Variants in SYT16 observed in about 807,000 individuals in gnomAD.
SYT16 encodes the protein synaptotagmin-16.
A neutral mutation model predicts 61.4 loss-of-function variants in SYT16; 42 were observed. The ratio of observed to expected loss-of-function variants is 0.68; its 90% CI spans 0.53 to 0.89. The LOEUF is 0.89. SYT16 is among the 40% of genes least tolerant of loss of function. SYT16 has a pLI of 0.00. For missense variants in SYT16, 804 were observed against 807.3 expected (o/e 1.00, Z 0.05); for synonymous variants, 314 against 302.3 (o/e 1.04, Z -0.40).
At chr14:61,988,116 A>G (rs1182043847) in intron 2 of SYT16, among the ~76,000 whole-genome samples, 2 of 152,184 alleles carry the variant, frequency 1.3e-5, no homozygotes, top group Admixed American at 1.3e-4. Context: ...ACTGGGGGCC[A>G]GTAGATGTGC....
intron 3 of SYT16, among the ~76,000 whole-genome samples, chr14:62,030,369 C>A (rs569988469): frequency 3.3e-5 from 5 of 152,276 alleles, no homozygotes; most frequent in African/African-American, 1.2e-4. Flanking sequence ...ATTGAAAATG[C>A]AACCATTGTG....
upstream of SYT16, chr14:61,812,628 G>GGGCGCGGGGC (rs1223022265): frequency 8.0e-4 from 117 of 147,114 alleles, no homozygotes; most frequent in South Asian, 1.8e-3. Flanking sequence ...GGCGGCTGCT[G>GGGCGCGGGGC]GGCGCGGGGC....
At chr14:62,010,241 C>T (rs927030540) in intron 3 of SYT16, among the ~76,000 whole-genome samples, 3 of 152,108 alleles carry the variant, frequency 2.0e-5, no homozygotes, top group Admixed American at 6.6e-5. Context: ...GTGATATTCA[C>T]CAGCCAAACA....
intron 2 of SYT16, among the ~76,000 whole-genome samples, chr14:61,992,527 C>T (rs555382308): frequency 3.9e-5 from 6 of 152,130 alleles, no homozygotes; most frequent in Non-Finnish European, 7.4e-5. Flanking sequence ...TCCTTTTGTA[C>T]CTCTAGACCT....
chr14:61,851,564 C>T (rs2046621851), intron 1 of SYT16, among the ~76,000 whole-genome samples: 1 of 152,180 alleles, frequency 6.6e-6, no homozygotes, highest in African/African-American at 2.4e-5. Context: ...ACAACCTTGC[C>T]AGCACCTGTT....
chr14:61,887,476 C>G (rs1266526117), intron 1 of SYT16, among the ~76,000 whole-genome samples: 1 of 152,206 alleles, frequency 6.6e-6, no homozygotes, highest in Non-Finnish European at 1.5e-5. Context: ...GTTGATTTCT[C>G]CTCTCTAGCC....
At chr14:62,005,036 C>G (rs2053166606) in intron 3 of SYT16, among the ~76,000 whole-genome samples, 1 of 152,166 alleles carries the variant, frequency 6.6e-6, no homozygotes, top group Non-Finnish European at 1.5e-5. Context: ...ATACTCACCT[C>G]TGGCATCAGG....
chr14:61,844,255 G>C (rs2046377350), intron 1 of SYT16, among the ~76,000 whole-genome samples: 1 of 152,008 alleles, frequency 6.6e-6, no homozygotes, highest in Non-Finnish European at 1.5e-5. Flanking sequence ...CAACTTTATA[G>C]AATTTATCAG....
intron 1 of SYT16, among the ~76,000 whole-genome samples, chr14:61,848,970 T>C (rs1363121692): frequency 6.6e-6 from 1 of 152,162 alleles, no homozygotes; most frequent in Non-Finnish European, 1.5e-5. Context: ...ACAGCACATA[T>C]TACCTGGTTG....
intron 1 of SYT16, among the ~76,000 whole-genome samples, chr14:61,942,972 G>A (rs2050265836): frequency 6.6e-6 from 1 of 151,732 alleles, no homozygotes; most frequent in African/African-American, 2.4e-5. Context: ...TAATAAAATA[G>A]ATAGACCACT....
chr14:61,928,125 T>C (rs1052009925), intron 1 of SYT16, among the ~76,000 whole-genome samples: 3 of 152,218 alleles, frequency 2.0e-5, no homozygotes, highest in African/African-American at 7.2e-5. Context: ...TGTTGTTGCA[T>C]GTTCAAACCC....
chr14:62,058,622 C>T (rs1279830939), intron 3 of SYT16, among the ~76,000 whole-genome samples: 1 of 152,054 alleles, frequency 6.6e-6, no homozygotes, highest in East Asian at 1.9e-4. Context: ...CCTTGGCCTC[C>T]CAAAGTGCTG....
At chr14:61,939,656 A>G (rs543965172) in intron 1 of SYT16, among the ~76,000 whole-genome samples, 4 of 152,196 alleles carry the variant, frequency 2.6e-5, no homozygotes, top group Admixed American at 6.5e-5. Context: ...CCCTCATTTT[A>G]TCTTCTCTCT....
chr14:61,900,187 C>G (rs1432010124), intron 1 of SYT16, among the ~76,000 whole-genome samples: 16 of 136,846 alleles, frequency 1.2e-4, no homozygotes, highest in African/African-American at 3.8e-4. Flanking sequence ...GAGATGGAGT[C>G]TCACTCTGTT....
chr14:61,873,807 T>C (rs1172828083), intron 1 of SYT16, among the ~76,000 whole-genome samples: 5 of 152,330 alleles, frequency 3.3e-5, no homozygotes, highest in Middle Eastern at 6.8e-3. Context: ...GGATGATGTC[T>C]TCCTCTACCC....
chr14:61,829,908 C>A (rs942465855), intron 1 of SYT16, among the ~76,000 whole-genome samples: 5 of 152,140 alleles, frequency 3.3e-5, no homozygotes, highest in African/African-American at 9.7e-5. Context: ...CCTGCCTTGG[C>A]CTCCCAAAGT....
At chr14:61,929,448 G>T (rs2049674031) in intron 1 of SYT16, among the ~76,000 whole-genome samples, 1 of 152,146 alleles carries the variant, frequency 6.6e-6, no homozygotes, top group Non-Finnish European at 1.5e-5. Flanking sequence ...GATGTGCAAG[G>T]GATATTAACC....
chr14:61,859,821 C>T (rs1285609958), intron 1 of SYT16, among the ~76,000 whole-genome samples: 2 of 152,118 alleles, frequency 1.3e-5, no homozygotes, highest in Non-Finnish European at 2.9e-5. Context: ...TAATAAGCAG[C>T]AACACATTGA....
chr14:61,878,249 G>A (rs545593356), intron 1 of SYT16, among the ~76,000 whole-genome samples: 81 of 152,268 alleles, frequency 5.3e-4, no homozygotes, highest in African/African-American at 1.8e-3. Flanking sequence ...AACATTCTCA[G>A]TATGTTTTAA....
Sources: allele counts gnomAD v4.1 joint callset (sites outside exome capture counted in the v4.1 genomes callset), GRCh38; gene constraint gnomAD v4.1.1; transcripts MANE v1.5; gene names NCBI Gene and HGNC (gene_info 2026-07-23, HGNC 2026-07-21).